HOXD3: variants seen among roughly 807,000 people sequenced by gnomAD.
HOXD3 encodes the protein homeobox D3, also known as homeobox protein Hox-D3.
In HOXD3, 13 loss-of-function variants were observed where a neutral mutation model predicts 32.8. That is an observed-to-expected ratio of 0.40 (90% CI 0.26 to 0.63). HOXD3 has a LOEUF of 0.63. HOXD3 is among the 20% of genes least tolerant of loss of function. The probability of loss-of-function intolerance (pLI) is 0.44; values close to 1 mark genes in which losing one functional copy is unlikely to be tolerated. For missense variants in HOXD3, 504 were observed against 577.1 expected (o/e 0.87, Z 1.30); for synonymous variants, 241 against 246.8 (o/e 0.98, Z 0.22).
Position 176,172,141 on chromosome 2 carries a change from A to G in HOXD3, c.1166A>G (p.Tyr389Cys). 6.2e-7 allele frequency: 1 copy of G among 1,613,194 alleles called. No homozygotes were observed. Among genetic ancestry groups the G allele is most frequent in the Non-Finnish European group, 8.5e-7 (1 of 1,179,976 alleles). ...CACCCGTCGTCGGCCAGCGTGGACT[A>G]CAGTTGCGCCGCGCAGATTCCAGGC... ...LSHPSSASVDYSCAAQIPGNH... is the reference protein window; with the variant it reads ...LSHPSSASVDCSCAAQIPGNH... Residue 389 changes from tyrosine (Y) to cysteine (C), a missense_variant, in exon 4 of 4, where the codon TAC becomes TGC. This residue lies in a region of HOXD3 where 226 missense variants were observed against 246.9 expected (regional missense o/e 0.92). Transcript: ENST00000683222.
upstream of HOXD3, among the ~76,000 whole-genome samples, chr2:176,154,412 C>G (rs1690603766): frequency 6.6e-6 from 1 of 152,110 alleles, no homozygotes; most frequent in South Asian, 2.1e-4. Flanking sequence ...CAGATGAAAC[C>G]AGTCTTCCCA....
chr2:176,154,128 C>T (rs1052594450), upstream of HOXD3, among the ~76,000 whole-genome samples: 2 of 151,576 alleles, frequency 1.3e-5, no homozygotes, highest in African/African-American at 2.4e-5. Context: ...TTTTTTCCCC[C>T]TGAAGTTTTA....
chr2:176,153,214 C>T, upstream of HOXD3: 1 of 489,102 alleles, frequency 2.0e-6, no homozygotes, highest in Non-Finnish European at 3.7e-6. Context: ...AGTCATTAAA[C>T]TTATGAAAAT....
intron 1 of HOXD3, chr2:176,161,053 A>G (rs957731960): frequency 6.6e-6 from 1 of 152,260 alleles, no homozygotes; most frequent in Non-Finnish European, 1.5e-5. Context: ...GGCCGAGGAC[A>G]CCAGGTTTAT....
Position 176,172,460 on chromosome 2 carries a change from T to C in HOXD3, c.*186T>C. 1 of 560,320 alleles carries C rather than the reference T, an allele frequency of 1.8e-6. No individual in the cohort carries two copies. Among genetic ancestry groups the C allele is most frequent in the Non-Finnish European group, 3.2e-6 (1 of 316,658 alleles). 34.7% of individuals were successfully genotyped at this position (560,320 alleles called of 1,614,324 possible). On this transcript the variant is annotated 3_prime_UTR_variant, in exon 4 of 4. Transcript: ENST00000683222. ...CGGGCCTCCCCTCCATGGGCGTCCTTTGGGTGACTCGCCATAAATCAGCCG... is the reference window on the plus strand; with the variant it reads ...CGGGCCTCCCCTCCATGGGCGTCCTCTGGGTGACTCGCCATAAATCAGCCG...
rs1691084111 is a variant in HOXD3 at position 176,168,980 on chromosome 2, T to G, written c.-84-51T>G. On this transcript the variant is annotated intron_variant, in intron 2 of 3. Transcript: ENST00000683222. ...CATGGGCTAGTCCTTCTATATTGAC[T>G]GGTCTTGCCAATGACACTCCCTCTG... The G allele has an allele frequency of 3.7e-6, 5 of 1,366,794 alleles. No homozygotes were observed. In the Admixed American group the frequency reaches 8.6e-5, roughly 23 times the overall value. 84.7% of individuals were successfully genotyped at this position (1,366,794 alleles called of 1,614,324 possible). A position where few individuals can be genotyped will look rare whatever the true frequency, so the allele number is the denominator to read the frequency against.
upstream of HOXD3, chr2:176,153,037 G>C: frequency 8.1e-7 from 1 of 1,237,048 alleles, no homozygotes; most frequent in Non-Finnish European, 1.2e-6. Flanking sequence ...TGGGCTCTAA[G>C]GTACTGTGGG....
upstream of HOXD3, among the ~76,000 whole-genome samples, chr2:176,155,597 C>T (rs984283093): frequency 6.6e-6 from 1 of 152,168 alleles, no homozygotes; most frequent in African/African-American, 2.4e-5. Flanking sequence ...CCATTTGGGC[C>T]CACAGGAGTG....
At chr2:176,158,183 A>G (rs1037701325) in intron 1 of HOXD3, among the ~76,000 whole-genome samples, 16 of 152,148 alleles carry the variant, frequency 1.1e-4, no homozygotes, top group African/African-American at 2.9e-4. Context: ...CTATTTTGGA[A>G]GAGCTAAAAT....
chr2:176,152,912 A>C (rs756094373), upstream of HOXD3: 1 of 1,614,158 alleles, frequency 6.2e-7, no homozygotes, highest in South Asian at 1.1e-5. The surrounding 1 kb of genome is among the most constrained non-coding windows in gnomAD (Gnocchi z 5.2). Flanking sequence ...CGATGGCCAA[A>C]GACCACCACA....
At chr2:176,166,555 A>G (rs1690976672) in intron 2 of HOXD3, among the ~76,000 whole-genome samples, 1 of 152,360 alleles carries the variant, frequency 6.6e-6, no homozygotes, top group South Asian at 2.1e-4. Flanking sequence ...ATATGTAAGT[A>G]TTAGTCACAG....
At chr2:176,170,226 G>A (rs536087236) in intron 3 of HOXD3, among the ~76,000 whole-genome samples, 9 of 152,198 alleles carry the variant, frequency 5.9e-5, no homozygotes, top group Non-Finnish European at 1.0e-4. Context: ...CTGCAAAGTG[G>A]TGGATTTGAA....
chr2:176,155,774 T>C (rs1395255770), upstream of HOXD3, among the ~76,000 whole-genome samples: 4 of 152,220 alleles, frequency 2.6e-5, no homozygotes, highest in Admixed American at 6.5e-5. Flanking sequence ...AGTGTTTGTG[T>C]TGGTGTTTTA....
chr2:176,164,406 G>A (rs1388835665), intron 2 of HOXD3: 1 of 152,156 alleles, frequency 6.6e-6, no homozygotes, highest in Non-Finnish European at 1.5e-5. Context: ...TGAGTTATCT[G>A]GGCTAAATAA....
chr2:176,158,564 T>C (rs1173898294), intron 1 of HOXD3, among the ~76,000 whole-genome samples: 1 of 152,150 alleles, frequency 6.6e-6, no homozygotes, highest in East Asian at 1.9e-4. Context: ...GTGGTGGTTG[T>C]TTTGGGATTA....
At chr2:176,156,601 C>G (rs1390843788), upstream of HOXD3, among the ~76,000 whole-genome samples, 7 of 152,150 alleles carry the variant, frequency 4.6e-5, no homozygotes, top group African/African-American at 1.7e-4. Context: ...TTCTACTTTT[C>G]CAGTACTGTT....
At chr2:176,154,069 A>T (rs1443958398), upstream of HOXD3, among the ~76,000 whole-genome samples, 1 of 152,126 alleles carries the variant, frequency 6.6e-6, no homozygotes, top group African/African-American at 2.4e-5. Flanking sequence ...GAAGGAAAAA[A>T]AAAAAACCCT....
At chr2:176,153,131 T>TTG, upstream of HOXD3, 1 of 347,150 alleles carries the variant, frequency 2.9e-6, no homozygotes, top group East Asian at 8.0e-5. Flanking sequence ...GGGATGGGGA[T>TTG]GGGAGGGGGG....
At chr2:176,156,716 A>T (rs1690652273), upstream of HOXD3, among the ~76,000 whole-genome samples, 1 of 152,136 alleles carries the variant, frequency 6.6e-6, no homozygotes, top group South Asian at 2.1e-4. Flanking sequence ...CCTGCACTAC[A>T]TTTACCGCAA....
Sources: allele counts gnomAD v4.1 joint callset (sites outside exome capture counted in the v4.1 genomes callset), GRCh38; gene constraint gnomAD v4.1.1; regional missense constraint gnomAD v4.1.1; non-coding constraint Gnocchi (gnomAD v3.1); transcripts MANE v1.5; gene names NCBI Gene and HGNC (gene_info 2026-07-23, HGNC 2026-07-21).